The following YES1 variants were observed in gnomAD, a reference collection of about 807,000 sequenced individuals.
The protein encoded by YES1 is tyrosine-protein kinase Yes.
A neutral mutation model predicts 70.4 loss-of-function variants in YES1; 39 were observed. The ratio of observed to expected loss-of-function variants is 0.55; its 90% CI spans 0.43 to 0.72. The LOEUF (loss-of-function observed/expected upper bound fraction) is 0.72, where lower values mean the gene tolerates loss of function less well. Among genes scored for constraint, YES1 ranks in the 30% least tolerant of loss-of-function variants. The pLI is 0.00. For missense variants in YES1, 495 were observed against 644.8 expected (o/e 0.77, Z 2.52); for synonymous variants, 198 against 218.6 (o/e 0.91, Z 0.83).
chr18:784,369 G>A (rs1384436419), intron 1 of YES1, among the ~76,000 whole-genome samples: 3 of 152,200 alleles, frequency 2.0e-5, no homozygotes, highest in Admixed American at 6.5e-5. Context: ...GGCTGGAGAC[G>A]TTAAATAGGT....
chr18:790,444 G>A (rs536981413), intron 1 of YES1, among the ~76,000 whole-genome samples: 8 of 152,190 alleles, frequency 5.3e-5, no homozygotes, highest in South Asian at 4.2e-4. Flanking sequence ...TCTGTTTCTC[G>A]TTTCTAATTC....
At chr18:729,346 C>T (rs1375836245) in intron 11 of YES1, among the ~76,000 whole-genome samples, 3 of 151,842 alleles carry the variant, frequency 2.0e-5, no homozygotes, top group Admixed American at 6.6e-5. Context: ...ACCTGGGAGG[C>T]GGAGGCTGCA....
At chr18:726,360 G>A (rs879354751) in intron 11 of YES1, among the ~76,000 whole-genome samples, 12 of 151,894 alleles carry the variant, frequency 7.9e-5, no homozygotes, top group African/African-American at 1.2e-4. Flanking sequence ...GGGAGGTGGA[G>A]GTTGCAGTGA....
chr18:794,784 G>A (rs1906453166), intron 1 of YES1, among the ~76,000 whole-genome samples: 1 of 151,992 alleles, frequency 6.6e-6, no homozygotes, highest in African/African-American at 2.4e-5. Flanking sequence ...ATTCTCTCTG[G>A]GTGTCTGTCT....
rs1339728801 is a variant in YES1 at position 745,951 on chromosome 18, T to C, written c.571A>G (p.Lys191Glu). Residue 191 changes from lysine to glutamate, a missense_variant, in exon 5 of 12, where the codon AAA becomes GAA. Physicochemically the swap from Lys to Glu is moderately conservative, Grantham distance 56. Transcript: ENST00000314574. ...ACTAATATAACAATATTCATACCTT[T>C]AGTTGTTTCACTCTCTCTTACTAAG... ...IFLVRESETT[K>E]GAYSLSIRDW... is the part of the protein sequence containing the mutation. 3 of 1,610,784 alleles carry C rather than the reference T, an allele frequency of 1.9e-6. No individual in the cohort carries two copies. Among genetic ancestry groups the C allele is most frequent in the Non-Finnish European group, 2.5e-6 (3 of 1,177,970 alleles).
At chr18:749,603 C>A (rs991266919) in intron 3 of YES1, among the ~76,000 whole-genome samples, 1 of 152,066 alleles carries the variant, frequency 6.6e-6, no homozygotes, top group Non-Finnish European at 1.5e-5. Flanking sequence ...CGCCTGTAAT[C>A]CCAGCACTTT....
chr18:811,021 T>G (rs1178934784), intron 1 of YES1, among the ~76,000 whole-genome samples: 1 of 152,230 alleles, frequency 6.6e-6, no homozygotes, highest in Non-Finnish European at 1.5e-5. Context: ...CATTTAGTAA[T>G]ACTTTCCTTA....
At chr18:739,680 C>A (rs924472980) in intron 9 of YES1, 55 bp downstream of exon 9, 2 of 1,353,082 alleles carry the variant, frequency 1.5e-6, no homozygotes, top group Admixed American at 2.0e-5. Flanking sequence ...TAAGATTATT[C>A]CACATTTTAA....
At chr18:741,646 TAC>T (rs1305640293) in intron 8 of YES1, among the ~76,000 whole-genome samples, 1 of 151,854 alleles carries the variant, frequency 6.6e-6, no homozygotes, top group Admixed American at 6.6e-5. Flanking sequence ...TGTAGAAAAA[TAC>T]ACAAATTATC....
intron 1 of YES1, among the ~76,000 whole-genome samples, chr18:785,386 CAAGCTTCTGAAGTAT>C (rs1459423207): frequency 6.6e-6 from 1 of 152,078 alleles, no homozygotes; most frequent in Non-Finnish European, 1.5e-5. Context: ...CCTTTCTTAC[CAAGCTTCTGAAGTAT>C]AATACTGAGT....
intron 3 of YES1, among the ~76,000 whole-genome samples, 184 bp downstream of exon 3, chr18:751,521 A>G (rs1381870043): frequency 6.6e-6 from 1 of 152,206 alleles, no homozygotes; most frequent in African/African-American, 2.4e-5. Flanking sequence ...TTGTAGAAGT[A>G]ATAACTTCTG....
intron 1 of YES1, among the ~76,000 whole-genome samples, chr18:803,411 TAAA>T (rs767829767): frequency 3.9e-5 from 6 of 152,040 alleles, no homozygotes; most frequent in Non-Finnish European, 5.9e-5. Context: ...GGGTGGGAAA[TAAA>T]AAAAGCACAG....
Position 723,648 on chromosome 18 carries a change from T to C in YES1, c.*776A>G, listed in dbSNP as rs2079985106. 1 of 152,666 alleles carries C rather than the reference T, an allele frequency of 6.6e-6. No homozygotes were observed. The highest frequency in any genetic ancestry group is 2.4e-5 in the African/African-American group (1 of 41,462). The allele number at this position is 152,666 out of a possible 1,614,324, so 9.5% of individuals were successfully genotyped here. The stretch of plus-strand genomic sequence containing the variant: ...TTTGATTGGACAGTAGTTTCAATTA[T>C]ATATTGCCTTAAAAAATCAATGCAA... On this transcript the variant is annotated 3_prime_UTR_variant, in exon 12 of 12. Transcript: ENST00000314574.
At chr18:782,232 G>A (rs953267172) in intron 1 of YES1, among the ~76,000 whole-genome samples, 3 of 151,932 alleles carry the variant, frequency 2.0e-5, no homozygotes, top group Admixed American at 6.6e-5. Context: ...TGGCCTTTTC[G>A]GCTCTTCATA....
intron 1 of YES1, chr18:787,826 AAG>A (rs1196638030): frequency 2.7e-4 from 41 of 152,198 alleles, no homozygotes; most frequent in African/African-American, 8.4e-4. Context: ...TTTTTAATTG[AAG>A]AGAGTGTGGA....
upstream of YES1, chr18:812,503 C>G (rs1245700534): frequency 6.6e-6 from 1 of 152,230 alleles, no homozygotes; most frequent in Non-Finnish European, 1.5e-5. Flanking sequence ...GGCCGCTTTG[C>G]TGTGGTCAGG....
At chr18:753,643 G>A (rs1433523170) in intron 2 of YES1, among the ~76,000 whole-genome samples, 2 of 151,850 alleles carry the variant, frequency 1.3e-5, no homozygotes, top group African/African-American at 4.8e-5. Flanking sequence ...GCACCTCCAC[G>A]CCCAGCTAAT....
chr18:777,366 A>G (rs1905434112), intron 1 of YES1, among the ~76,000 whole-genome samples: 1 of 152,234 alleles, frequency 6.6e-6, no homozygotes, highest in South Asian at 2.1e-4. Context: ...AACCTGCCAG[A>G]CATTTATATT....
intron 2 of YES1, 25 bp downstream of exon 2, chr18:756,532 A>T (rs1200651797): frequency 6.2e-7 from 1 of 1,613,296 alleles, no homozygotes; most frequent in Admixed American, 1.7e-5. Flanking sequence ...CAAACAGACA[A>T]CATAATTGTC....
Sources: allele counts gnomAD v4.1 joint callset (sites outside exome capture counted in the v4.1 genomes callset), GRCh38; gene constraint gnomAD v4.1.1; transcripts MANE v1.5; gene names NCBI Gene and HGNC (gene_info 2026-07-23, HGNC 2026-07-21).